FBXL17: variants seen among roughly 807,000 people sequenced by gnomAD.
FBXL17 encodes the protein F-box/LRR-repeat protein 17.
FBXL17 carries 22 observed loss-of-function variants against 66.2 expected under a neutral mutation model. That is an observed-to-expected ratio of 0.33 (90% CI 0.24 to 0.47). The LOEUF (loss-of-function observed/expected upper bound fraction) is 0.47, where lower values mean the gene tolerates loss of function less well. Among genes scored for constraint, FBXL17 ranks in the 20% least tolerant of loss-of-function variants. FBXL17 has a pLI of 1.00. For synonymous variants in FBXL17, 474 were observed against 400.5 expected (o/e 1.18, Z -2.19); for missense variants, 878 against 948.2 (o/e 0.93, Z 0.97).
rs557647368 is a variant in FBXL17 at position 108,207,722 on chromosome 5, T to C, written c.1614+16399A>G. 1.0e-3 allele frequency among the ~76,000 whole-genome samples: 159 copies of C among 152,348 alleles called. 1 individual carries two copies. The highest frequency in any genetic ancestry group is 0.01 in the Middle Eastern group (3 of 294). The stretch of plus-strand genomic sequence containing the variant: ...CACATTTTCTTTATCCAGTATATTA[T>C]TGATGGACATTTGGGTTGGTTCCAA... On this transcript the variant is annotated intron_variant, in intron 5 of 8. Coordinates refer to ENST00000542267, the MANE Select transcript of FBXL17 (RefSeq NM_001163315.3).
At chr5:108,104,185 G>A (rs762642684) in intron 6 of FBXL17, among the ~76,000 whole-genome samples, 1 of 152,040 alleles carries the variant, frequency 6.6e-6, no homozygotes, top group Non-Finnish European at 1.5e-5. Context: ...ACAGTCATGC[G>A]CACCCACGCC....
chr5:108,154,350 T>C (rs1014780608), intron 6 of FBXL17, among the ~76,000 whole-genome samples: 4 of 149,594 alleles, frequency 2.7e-5, no homozygotes, highest in Admixed American at 6.7e-5. Flanking sequence ...TCCCAGCACT[T>C]TGAGAGGCCG....
At chr5:108,358,868 T>C (rs772822625) in intron 3 of FBXL17, among the ~76,000 whole-genome samples, 1 of 152,016 alleles carries the variant, frequency 6.6e-6, no homozygotes, top group Non-Finnish European at 1.5e-5. Flanking sequence ...TTATTATAAA[T>C]ATATTCCAAT....
intron 7 of FBXL17, among the ~76,000 whole-genome samples, chr5:107,907,707 C>A (rs1179903347): frequency 6.6e-6 from 1 of 152,158 alleles, no homozygotes; most frequent in East Asian, 1.9e-4. Flanking sequence ...CTCACCATCA[C>A]TGGCCATCAG....
At chr5:108,297,090 A>T (rs549529255) in intron 4 of FBXL17, among the ~76,000 whole-genome samples, 1 of 151,710 alleles carries the variant, frequency 6.6e-6, no homozygotes, top group Admixed American at 6.6e-5. Flanking sequence ...TCAATTGGAT[A>T]ATCTCCACTT....
chr5:108,376,594 C>T (rs559224828), intron 1 of FBXL17, among the ~76,000 whole-genome samples: 10 of 152,134 alleles, frequency 6.6e-5, no homozygotes, highest in Non-Finnish European at 1.0e-4. Flanking sequence ...AATAATGTTT[C>T]CTTTCTTTTA....
Position 108,381,514 on chromosome 5 carries a change from T to G in FBXL17, c.178A>C (p.Met60Leu), listed in dbSNP as rs1440419385. ...GGACTGTGCACGATGAAGCAGAGCA[T>G]GCAGGGCCCGCGGAAGAAGCAGTCC... ...SRDCFFRGPCMLCFIVHSPGA... is the reference protein window; with the variant it reads ...SRDCFFRGPCLLCFIVHSPGA... Residue 60 changes from methionine (M) to leucine (L), a missense_variant, in exon 1 of 9, where the codon ATG (methionine) becomes CTG (leucine). Around this residue, in one of 4 missense-constraint regions of FBXL17, gnomAD observed 605 missense variants for 509.5 expected, o/e 1.19. Transcript: ENST00000542267. The G allele has an allele frequency of 3.5e-6, 5 of 1,410,608 alleles. No individual in the cohort carries two copies. Among genetic ancestry groups the G allele is most frequent in the African/African-American group, 1.5e-5 (1 of 65,756 alleles). 87.4% of individuals were successfully genotyped at this position (1,410,608 alleles called of 1,614,324 possible).
intron 5 of FBXL17, among the ~76,000 whole-genome samples, chr5:108,201,885 C>T (rs1406397307): frequency 6.7e-6 from 1 of 149,416 alleles, no homozygotes; most frequent in South Asian, 2.1e-4. Flanking sequence ...AAAGCAACAG[C>T]TCATAATCTC....
At chr5:108,355,198 AC>A (rs1467850842) in intron 3 of FBXL17, among the ~76,000 whole-genome samples, 1 of 151,962 alleles carries the variant, frequency 6.6e-6, no homozygotes, top group African/African-American at 2.4e-5. Flanking sequence ...CATCATATAC[AC>A]ACACATATAT....
chr5:108,240,658 G>A (rs936915276), intron 4 of FBXL17, among the ~76,000 whole-genome samples: 1 of 152,168 alleles, frequency 6.6e-6, no homozygotes, highest in Admixed American at 6.5e-5. Flanking sequence ...AAGGATACAA[G>A]CCTGGATGGC....
At chr5:108,303,201 G>A (rs1758672305) in intron 4 of FBXL17, among the ~76,000 whole-genome samples, 1 of 151,810 alleles carries the variant, frequency 6.6e-6, no homozygotes, top group South Asian at 2.1e-4. Context: ...TAGGGCACAA[G>A]TAACAGCTGT....
intron 7 of FBXL17, among the ~76,000 whole-genome samples, chr5:107,993,058 G>A (rs1411518175): frequency 2.0e-5 from 3 of 152,032 alleles, no homozygotes; most frequent in Non-Finnish European, 4.4e-5. Flanking sequence ...ACCACGCCTG[G>A]CTAATTTTTT....
intron 6 of FBXL17, among the ~76,000 whole-genome samples, chr5:108,154,331 C>T (rs1283829947): frequency 6.7e-5 from 10 of 149,128 alleles, no homozygotes; most frequent in East Asian, 2.0e-4. Flanking sequence ...TGGTGGCTCA[C>T]GCCTGTAATC....
intron 6 of FBXL17, among the ~76,000 whole-genome samples, chr5:108,085,170 C>A (rs576268120): frequency 6.6e-6 from 1 of 152,340 alleles, no homozygotes; most frequent in African/African-American, 2.4e-5. Context: ...GGATGTCCAA[C>A]TGTACGACAG....
At chr5:108,116,355 T>G (rs918024705) in intron 6 of FBXL17, among the ~76,000 whole-genome samples, 1 of 151,608 alleles carries the variant, frequency 6.6e-6, no homozygotes, top group African/African-American at 2.4e-5. Flanking sequence ...AATAATAAAA[T>G]AGGGTCATGT....
At chr5:107,968,724 G>C (rs1048646620) in intron 7 of FBXL17, among the ~76,000 whole-genome samples, 1 of 152,204 alleles carries the variant, frequency 6.6e-6, no homozygotes, top group East Asian at 1.9e-4. Flanking sequence ...CACTGAGAAG[G>C]AATGCCATAT....
intron 5 of FBXL17, among the ~76,000 whole-genome samples, chr5:108,200,798 C>T (rs1224006907): frequency 2.0e-5 from 3 of 151,906 alleles, no homozygotes; most frequent in African/African-American, 7.3e-5. Flanking sequence ...TTTGTAAATA[C>T]ACTGTGATCA....
At chr5:107,865,441 T>C (rs142403080) in intron 8 of FBXL17, among the ~76,000 whole-genome samples, 128 of 152,348 alleles carry the variant, frequency 8.4e-4, no homozygotes, top group Middle Eastern at 3.4e-3. Flanking sequence ...CAAGTGTATT[T>C]TATATATCCT....
At position 107,860,971 on chromosome 5, in the gene FBXL17, C is replaced by T. The variant is rs1293551695; in HGVS notation, c.*749G>A. The T allele has an allele frequency of 6.6e-6, 1 of 152,122 alleles. No homozygotes were observed. The allele number at this position is 152,122 out of a possible 1,614,324, so 9.4% of individuals were successfully genotyped here. A position where few individuals can be genotyped will look rare whatever the true frequency, so the allele number is the denominator to read the frequency against. On this transcript the variant is annotated 3_prime_UTR_variant, in exon 9 of 9. Coordinates refer to ENST00000542267, the MANE Select transcript of FBXL17 (RefSeq NM_001163315.3). Reference sequence around the variant, plus strand: ...AGCTAACACAATGTTAACATAAAACCAACTAAAATATTTAGTGCTCAACAG... The same window carrying T: ...AGCTAACACAATGTTAACATAAAACTAACTAAAATATTTAGTGCTCAACAG...
Sources: gnomAD v4.1 joint callset for allele counts (sites outside exome capture counted in the v4.1 genomes callset) on GRCh38, gnomAD v4.1.1 for gene constraint, gnomAD v4.1.1 regional missense constraint, MANE v1.5 for transcripts, NCBI Gene and HGNC (gene_info 2026-07-23, HGNC 2026-07-21) for gene names.